Variants in RFFL observed in about 807,000 individuals in gnomAD.
RFFL encodes the protein E3 ubiquitin-protein ligase rififylin.
In RFFL, 16 loss-of-function variants were observed where a neutral mutation model predicts 40.4. That is an observed-to-expected ratio of 0.40 (90% CI 0.27 to 0.60). RFFL has a LOEUF of 0.60. Ranked by LOEUF, RFFL falls within the 20% of genes least tolerant of loss-of-function variation. RFFL has a pLI of 0.47. For synonymous variants in RFFL, 154 were observed against 167.9 expected (o/e 0.92, Z 0.64); for missense variants, 367 against 451.7 (o/e 0.81, Z 1.70).
At chr17:35,053,346 A>G (rs983892991) in intron 1 of RFFL, among the ~76,000 whole-genome samples, 2 of 152,214 alleles carry the variant, frequency 1.3e-5, no homozygotes, top group Non-Finnish European at 2.9e-5. Flanking sequence ...GAATGTGACC[A>G]CATCTAAGAC....
chr17:35,084,850 C>T (rs1368058866), intron 1 of RFFL, among the ~76,000 whole-genome samples: 1 of 149,740 alleles, frequency 6.7e-6, no homozygotes, highest in Non-Finnish European at 1.5e-5. Context: ...GAACCGAGAT[C>T]CAGAGGTTGC....
intron 1 of RFFL, among the ~76,000 whole-genome samples, chr17:35,033,382 C>G (rs536026731): frequency 6.6e-6 from 1 of 151,632 alleles, no homozygotes; most frequent in Non-Finnish European, 1.5e-5. Context: ...TACAAAATTA[C>G]CCGGGTATGG....
intron 2 of RFFL, among the ~76,000 whole-genome samples, chr17:35,022,400 G>A (rs919665970): frequency 3.9e-5 from 6 of 152,198 alleles, no homozygotes; most frequent in Non-Finnish European, 8.8e-5. Context: ...GGTGGTGGTT[G>A]TTACAATTAA....
chr17:35,055,936 T>A (rs2091258691), intron 1 of RFFL, among the ~76,000 whole-genome samples: 1 of 152,002 alleles, frequency 6.6e-6, no homozygotes, highest in Non-Finnish European at 1.5e-5. Flanking sequence ...ATCAGCATAA[T>A]ACAGTTTTTT....
chr17:35,046,764 G>C (rs2142352050), intron 1 of RFFL, among the ~76,000 whole-genome samples: 1 of 152,338 alleles, frequency 6.6e-6, no homozygotes, highest in East Asian at 1.9e-4. Flanking sequence ...TCAGGGAAAA[G>C]TAATTCTAAC....
chr17:35,041,446 G>A (rs571672091), intron 1 of RFFL, among the ~76,000 whole-genome samples: 56 of 152,160 alleles, frequency 3.7e-4, no homozygotes, highest in African/African-American at 9.9e-4. Context: ...GTTCTTTAAT[G>A]GACTCCTATT....
chr17:35,072,502 G>A (rs966454869), intron 1 of RFFL, among the ~76,000 whole-genome samples: 1 of 151,958 alleles, frequency 6.6e-6, no homozygotes, highest in African/African-American at 2.4e-5. Flanking sequence ...AGTAGCACAA[G>A]GGGGATCTTT....
intron 6 of RFFL, among the ~76,000 whole-genome samples, chr17:35,013,657 G>T (rs2090954945): frequency 6.6e-6 from 1 of 152,162 alleles, no homozygotes; most frequent in Non-Finnish European, 1.5e-5. Context: ...AGGTGCTGTT[G>T]GTCCTAACAG....
In RFFL at chr17:35,007,558, C is replaced by G. The variant is rs1292312250; in HGVS notation, c.*4410G>C. On this transcript the variant is annotated 3_prime_UTR_variant, in exon 7 of 7. Coordinates refer to ENST00000394597, the MANE Select transcript of RFFL (RefSeq NM_001017368.2). ...CAAAGTGTTGTGGCTCATCCTCGATCCTTTATGCCCTTTTGGCAAGATTCC... is the reference window on the plus strand; with the variant it reads ...CAAAGTGTTGTGGCTCATCCTCGATGCTTTATGCCCTTTTGGCAAGATTCC... 2 of 152,204 alleles carry G rather than the reference C, an allele frequency of 1.3e-5. No homozygotes were observed. The highest frequency in any genetic ancestry group is 4.8e-5 in the African/African-American group (2 of 41,428). 9.4% of individuals were successfully genotyped at this position (152,204 alleles called of 1,614,324 possible). A position where few individuals can be genotyped will look rare whatever the true frequency, so the allele number is the denominator to read the frequency against.
intron 1 of RFFL, among the ~76,000 whole-genome samples, chr17:35,049,421 A>C (rs1020550017): frequency 1.6e-4 from 24 of 152,222 alleles, no homozygotes; most frequent in Non-Finnish European, 8.8e-5. Flanking sequence ...AAAGATCCTG[A>C]GATGACTCGA....
At chr17:35,055,213 C>G (rs992868724) in intron 1 of RFFL, among the ~76,000 whole-genome samples, 4 of 151,924 alleles carry the variant, frequency 2.6e-5, no homozygotes, top group African/African-American at 9.7e-5. Context: ...CCACAGCGCC[C>G]GGCCAATGGT....
chr17:35,034,631 C>T (rs567681430), intron 1 of RFFL, among the ~76,000 whole-genome samples: 21 of 151,846 alleles, frequency 1.4e-4, no homozygotes, highest in African/African-American at 5.1e-4. Context: ...CATGTTAAAG[C>T]GATTCTCCTG....
intron 1 of RFFL, among the ~76,000 whole-genome samples, chr17:35,034,843 G>A (rs1468358982): frequency 6.6e-5 from 10 of 152,034 alleles, no homozygotes; most frequent in Non-Finnish European, 1.2e-4. Flanking sequence ...ATGTACTTAC[G>A]AAGCACCAGC....
At chr17:35,018,462 C>T (rs529980297) in intron 3 of RFFL, among the ~76,000 whole-genome samples, 7 of 152,166 alleles carry the variant, frequency 4.6e-5, no homozygotes, top group Non-Finnish European at 1.0e-4. Flanking sequence ...GCCACAAACC[C>T]CTTAAGTAGA....
intron 1 of RFFL, among the ~76,000 whole-genome samples, chr17:35,054,609 T>C (rs2091249540): frequency 6.6e-6 from 1 of 151,072 alleles, no homozygotes; most frequent in African/African-American, 2.5e-5. Context: ...TTTATTTAAC[T>C]GGGTTGCTAA....
chr17:35,063,061 G>A (rs1218530390), intron 1 of RFFL, among the ~76,000 whole-genome samples: 1 of 152,088 alleles, frequency 6.6e-6, no homozygotes, highest in Non-Finnish European at 1.5e-5. Context: ...AAATACAAGA[G>A]CAAATGACGG....
At position 35,008,288 on chromosome 17, in the gene RFFL, C is replaced by T. The variant is rs940689897; in HGVS notation, c.*3680G>A. On this transcript the variant is annotated 3_prime_UTR_variant, in exon 7 of 7. Transcript: ENST00000394597. ...ATTCTCTTCTAGGTTGTTCCATGGC[C>T]TCTTCCATATATTACATTTGTGGTC... 1 of 152,192 alleles carries T rather than the reference C, an allele frequency of 6.6e-6. No individual in the cohort carries two copies. The highest frequency in any genetic ancestry group is 2.4e-5 in the African/African-American group (1 of 41,436). 9.4% of individuals were successfully genotyped at this position (152,192 alleles called of 1,614,324 possible).
At chr17:35,019,726 C>T (rs1347529734) in intron 3 of RFFL, among the ~76,000 whole-genome samples, 2 of 150,158 alleles carry the variant, frequency 1.3e-5, no homozygotes, top group African/African-American at 4.9e-5. Flanking sequence ...GCTCCTTATA[C>T]ATAGAGTGGA....
chr17:35,088,321 A>G (rs1223342125), intron 1 of RFFL, among the ~76,000 whole-genome samples: 1 of 152,206 alleles, frequency 6.6e-6, no homozygotes, highest in East Asian at 1.9e-4. Context: ...TTACACAAGC[A>G]GTCTTCTTCC....
Sources: allele counts gnomAD v4.1 joint callset (sites outside exome capture counted in the v4.1 genomes callset), GRCh38; gene constraint gnomAD v4.1.1; transcripts MANE v1.5; gene names NCBI Gene and HGNC (gene_info 2026-07-23, HGNC 2026-07-21).